RGPD2: variants seen among roughly 807,000 people sequenced by gnomAD.
The protein encoded by RGPD2 is RANBP2 like and GRIP domain containing 2, also known as RANBP2-like and GRIP domain-containing protein 2.
A neutral mutation model predicts 36.0 loss-of-function variants in RGPD2; 2 were observed. The ratio of observed to expected loss-of-function variants is 0.06; its 90% CI spans 0.02 to 0.17. The LOEUF is 0.17. Ranked by LOEUF, RGPD2 falls within the 10% of genes least tolerant of loss-of-function variation. The pLI is 1.00. For missense variants in RGPD2, 40 were observed against 464.3 expected (o/e 0.09, Z 8.40); for synonymous variants, 19 against 163.8 (o/e 0.12, Z 6.75).
chr2:87,967,487 C>T, the RGPD2 span, among the ~76,000 whole-genome samples: 10 of 149,840 alleles, frequency 6.7e-5, 1 homozygote, highest in African/African-American at 2.5e-4. Flanking sequence ...CTGCCCCCAT[C>T]CAATGCAAGA....
At chr2:87,857,770 C>G in the RGPD2 span, among the ~76,000 whole-genome samples, 1 of 131,544 alleles carries the variant, frequency 7.6e-6, no homozygotes, top group Admixed American at 7.4e-5. Flanking sequence ...AACCCCATCT[C>G]TACTAAAAAA....
At chr2:87,874,002 A>T in the RGPD2 span, among the ~76,000 whole-genome samples, 1 of 151,454 alleles carries the variant, frequency 6.6e-6, no homozygotes, top group Non-Finnish European at 1.5e-5. Flanking sequence ...GCTTTTTTTC[A>T]TGTTTGTTGG....
the RGPD2 span, among the ~76,000 whole-genome samples, chr2:87,923,618 T>A: frequency 1.3e-5 from 2 of 150,028 alleles, no homozygotes; most frequent in African/African-American, 2.5e-5. Context: ...TATAACAATT[T>A]TGGAAAATCA....
At chr2:87,877,670 T>G in the RGPD2 span, among the ~76,000 whole-genome samples, 1 of 152,224 alleles carries the variant, frequency 6.6e-6, no homozygotes, top group Non-Finnish European at 1.5e-5. Flanking sequence ...CTGGGCGTGG[T>G]GGCGGGCACC....
chr2:87,985,810 A>G, the RGPD2 span: 1 of 1,611,322 alleles, frequency 6.2e-7, no homozygotes, highest in East Asian at 2.2e-5. Flanking sequence ...TCTGAGTGAT[A>G]ACTGGGTCCT....
chr2:87,967,974 TACA>T, the RGPD2 span, among the ~76,000 whole-genome samples: 1 of 135,432 alleles, frequency 7.4e-6, no homozygotes, highest in Non-Finnish European at 1.5e-5. Flanking sequence ...TGGATGAATC[TACA>T]ATGAACCAGA....
At chr2:87,937,894 C>A in the RGPD2 span, among the ~76,000 whole-genome samples, 1 of 151,706 alleles carries the variant, frequency 6.6e-6, no homozygotes, top group Non-Finnish European at 1.5e-5. Flanking sequence ...TTAAGAAATA[C>A]AATTTTTGAA....
chr2:87,896,950 T>C, the RGPD2 span, among the ~76,000 whole-genome samples: 1 of 151,926 alleles, frequency 6.6e-6, no homozygotes, highest in Non-Finnish European at 1.5e-5. Context: ...CTTAAGAATT[T>C]ACAAGAGTTA....
At chr2:87,924,502 A>G in the RGPD2 span, among the ~76,000 whole-genome samples, 2 of 152,152 alleles carry the variant, frequency 1.3e-5, no homozygotes, top group East Asian at 1.9e-4. Context: ...TGATTTTCAC[A>G]TGCCTTTTTC....
chr2:87,944,013 T>C, the RGPD2 span, among the ~76,000 whole-genome samples: 4 of 152,048 alleles, frequency 2.6e-5, no homozygotes, highest in Non-Finnish European at 4.4e-5. Flanking sequence ...TTTTGTCTAC[T>C]ATAGCTTTGT....
the RGPD2 span, among the ~76,000 whole-genome samples, chr2:87,952,763 G>A: frequency 6.6e-6 from 1 of 152,168 alleles, no homozygotes; most frequent in East Asian, 1.9e-4. Context: ...GTTTTTCATC[G>A]TTGTGTAATT....
the RGPD2 span, among the ~76,000 whole-genome samples, chr2:87,845,955 A>C: frequency 6.6e-6 from 1 of 151,604 alleles, no homozygotes; most frequent in African/African-American, 2.4e-5. Context: ...TTATTTTCTT[A>C]ATGATTAAAA....
chr2:87,886,726 CCACAAA>C, the RGPD2 span, among the ~76,000 whole-genome samples: 1 of 151,258 alleles, frequency 6.6e-6, no homozygotes, highest in Non-Finnish European at 1.5e-5. Context: ...CATTCTCTCA[CCACAAA>C]CACGGGATTG....
chr2:87,955,328 T>C, the RGPD2 span, among the ~76,000 whole-genome samples: 1 of 134,448 alleles, frequency 7.4e-6, no homozygotes, highest in African/African-American at 2.8e-5. Flanking sequence ...AAGTTCTTTA[T>C]TTTCACCTTT....
At chr2:87,984,266 C>T in the RGPD2 span, among the ~76,000 whole-genome samples, 10 of 151,986 alleles carry the variant, frequency 6.6e-5, no homozygotes, top group Admixed American at 1.3e-4. Flanking sequence ...ATGGCACCGG[C>T]GAACCCCTTT....
At chr2:87,920,017 T>C in the RGPD2 span, among the ~76,000 whole-genome samples, 1 of 151,804 alleles carries the variant, frequency 6.6e-6, no homozygotes, top group Admixed American at 6.6e-5. Flanking sequence ...AATTGTAAAA[T>C]GAATGGTATT....
At chr2:87,760,999 GTTCTGTTTTTTCTTTTTCA>G (rs1406736433) in intron 22 of RGPD2, among the ~76,000 whole-genome samples, 1 of 136,204 alleles carries the variant, frequency 7.3e-6, no homozygotes, top group East Asian at 2.2e-4. Flanking sequence ...CTTGACTCTT[GTTCTGTTTTTTCTTTTTCA>G]TTCTTTTCTC....
chr2:87,842,616 A>G, the RGPD2 span, among the ~76,000 whole-genome samples: 2 of 148,008 alleles, frequency 1.4e-5, no homozygotes, highest in Admixed American at 6.7e-5. Context: ...AATCAATATC[A>G]TGAAAATGGC....
chr2:87,830,913 G>A, the RGPD2 span, among the ~76,000 whole-genome samples: 1 of 152,118 alleles, frequency 6.6e-6, no homozygotes, highest in Non-Finnish European at 1.5e-5. Context: ...AGTTGAAGAT[G>A]AGAATTGGAG....
Sources: gnomAD v4.1 joint callset for allele counts (sites outside exome capture counted in the v4.1 genomes callset) on GRCh38, gnomAD v4.1.1 for gene constraint, MANE v1.5 for transcripts, NCBI Gene and HGNC (gene_info 2026-07-23, HGNC 2026-07-21) for gene names.